Variants in LTBP1 observed in about 807,000 individuals in gnomAD.
The protein encoded by LTBP1 is latent-transforming growth factor beta-binding protein 1.
In LTBP1, 129 loss-of-function variants were observed where a neutral mutation model predicts 207.6. The ratio of observed to expected loss-of-function variants is 0.62; its 90% CI spans 0.54 to 0.72. LTBP1 has a LOEUF of 0.72. Ranked by LOEUF, LTBP1 falls within the 30% of genes least tolerant of loss-of-function variation. LTBP1 has a pLI of 0.00. For missense variants in LTBP1, 2,281 were observed against 2,217.2 expected (o/e 1.03, Z -0.58); for synonymous variants, 963 against 833.7 (o/e 1.16, Z -2.67).
chr2:33,046,281 A>G (rs1276512112), intron 3 of LTBP1, among the ~76,000 whole-genome samples: 1 of 152,020 alleles, frequency 6.6e-6, no homozygotes, highest in African/African-American at 2.4e-5. Flanking sequence ...ATTTGGAGAT[A>G]TTTTCCATCA....
At chr2:33,197,213 T>C (rs761355916) in intron 7 of LTBP1, among the ~76,000 whole-genome samples, 2 of 152,204 alleles carry the variant, frequency 1.3e-5, no homozygotes, top group Non-Finnish European at 2.9e-5. Context: ...TAGAACTATA[T>C]AGGGTGACAG....
At chr2:32,970,950 A>G (rs1272399835) in intron 2 of LTBP1, among the ~76,000 whole-genome samples, 1 of 148,030 alleles carries the variant, frequency 6.8e-6, no homozygotes, top group Non-Finnish European at 1.5e-5. Flanking sequence ...GTGTTTTTCA[A>G]TTCTTGTTGT....
At chr2:33,387,743 T>TC (rs1010784063) in intron 31 of LTBP1, among the ~76,000 whole-genome samples, 1 of 151,638 alleles carries the variant, frequency 6.6e-6, no homozygotes, top group Non-Finnish European at 1.5e-5. Context: ...GGGGTTTTTT[T>TC]TTTTTGTATG....
intron 2 of LTBP1, among the ~76,000 whole-genome samples, chr2:33,018,433 C>T (rs117431908): frequency 6.6e-6 from 1 of 152,156 alleles, no homozygotes; most frequent in East Asian, 1.9e-4. Context: ...AAACATGTTT[C>T]TAATTGAAAG....
chr2:33,379,216 T>C (rs1179983760), intron 31 of LTBP1, among the ~76,000 whole-genome samples: 1 of 145,602 alleles, frequency 6.9e-6, no homozygotes. Flanking sequence ...TTTTTTTTTT[T>C]TTTCTTTTTC....
At chr2:32,949,063 A>G (rs1341867027) in intron 2 of LTBP1, 118 bp downstream of exon 2, 3 of 953,666 alleles carry the variant, frequency 3.1e-6, no homozygotes, top group Non-Finnish European at 1.7e-6. Context: ...AGTCTGAAAT[A>G]CAATCCACCC....
chr2:33,150,885 G>A (rs148655010), intron 5 of LTBP1, among the ~76,000 whole-genome samples: 157 of 150,232 alleles, frequency 1.0e-3, no homozygotes, highest in African/African-American at 3.6e-3. Flanking sequence ...ACAGGCGTGC[G>A]CCACCATGCC....
chr2:33,181,330 A>G (rs1273042812), intron 5 of LTBP1, among the ~76,000 whole-genome samples: 2 of 152,230 alleles, frequency 1.3e-5, no homozygotes, highest in African/African-American at 2.4e-5. Context: ...CAAGGTTCCA[A>G]TTCGTGGCAC....
At chr2:32,984,292 T>G (rs1248605333) in intron 2 of LTBP1, among the ~76,000 whole-genome samples, 1 of 152,238 alleles carries the variant, frequency 6.6e-6, no homozygotes, top group Non-Finnish European at 1.5e-5. Context: ...GTCTCTCTTT[T>G]TTTCCATCTG....
chr2:33,265,596 TA>T lies in LTBP1; in HGVS notation c.2617+2210del, dbSNP rs374593577. On this transcript the variant is annotated intron_variant, in intron 15 of 33. Transcript: ENST00000404816. ...ATATTGCTAAATTTAAGATGAAGGA[TA>T]AAAAACTGAATGATATAGAGTATTA... is the stretch of plus-strand genomic sequence containing the variant. Among the ~76,000 whole-genome samples the T allele has an allele frequency of 9.2e-5, 14 of 152,278 alleles. No homozygotes were observed. In the East Asian group the frequency reaches 1.9e-3, roughly 21 times the overall value.
At chr2:33,131,698 G>A (rs1165950512) in intron 4 of LTBP1, among the ~76,000 whole-genome samples, 1 of 152,218 alleles carries the variant, frequency 6.6e-6, no homozygotes, top group Non-Finnish European at 1.5e-5. Context: ...CAGAATGCTT[G>A]TAAAACACAA....
intron 4 of LTBP1, among the ~76,000 whole-genome samples, chr2:33,119,359 A>G (rs2080968566): frequency 6.6e-6 from 1 of 152,202 alleles, no homozygotes; most frequent in Non-Finnish European, 1.5e-5. Flanking sequence ...TTATTAGAAC[A>G]GAAATGGTAG....
chr2:33,198,576 T>G (rs973089556), intron 7 of LTBP1, among the ~76,000 whole-genome samples: 15 of 152,300 alleles, frequency 9.8e-5, no homozygotes, highest in South Asian at 8.3e-4. Context: ...CCATTTCAGA[T>G]CCTGTTATTG....
chr2:33,186,991 C>G lies in LTBP1; in HGVS notation c.1337C>G (p.Ser446Cys), dbSNP rs1215783718. 2 of 1,614,190 alleles carry G rather than the reference C, an allele frequency of 1.2e-6. No individual in the cohort carries two copies. The highest frequency in any genetic ancestry group is 1.7e-6 in the Non-Finnish European group (2 of 1,180,024). Reference protein sequence around the residue: ...GASVPKLYQHSQQPGKALGTH... With the variant: ...GASVPKLYQHCQQPGKALGTH... ...AGCGTGCCTAAACTTTATCAGCATT[C>G]CCAGCAGCCAGGCAAGGCGTTGGGG... Residue 446 changes from serine to cysteine, a missense_variant, in exon 6 of 34, where the codon TCC becomes TGC. Around this residue, in one of 3 missense-constraint regions of LTBP1, gnomAD observed 1,671 missense variants for 1,634.8 expected, o/e 1.02. Coordinates refer to ENST00000404816, the MANE Select transcript of LTBP1 (RefSeq NM_206943.4).
chr2:33,300,766 C>T (rs906740083), intron 21 of LTBP1, among the ~76,000 whole-genome samples, 193 bp downstream of exon 21: 3 of 152,096 alleles, frequency 2.0e-5, no homozygotes, highest in East Asian at 1.9e-4. Flanking sequence ...ATTTGAAAAC[C>T]TATGGCATTA....
At chr2:33,175,358 C>T (rs1439849456) in intron 5 of LTBP1, among the ~76,000 whole-genome samples, 1 of 152,010 alleles carries the variant, frequency 6.6e-6, no homozygotes, top group East Asian at 1.9e-4. Flanking sequence ...TGAACAGACA[C>T]TTCTCAAAAG....
At chr2:33,201,033 T>G (rs2149084234) in intron 7 of LTBP1, among the ~76,000 whole-genome samples, 1 of 152,370 alleles carries the variant, frequency 6.6e-6, no homozygotes, top group African/African-American at 2.4e-5. Flanking sequence ...TTGGTGGGAC[T>G]GTAAACTAGT....
At chr2:32,963,756 G>A (rs1679511274) in intron 2 of LTBP1, among the ~76,000 whole-genome samples, 1 of 152,118 alleles carries the variant, frequency 6.6e-6, no homozygotes, top group South Asian at 2.1e-4. Context: ...AACAAATGCA[G>A]GTTGTGGGAC....
rs72867815 is a variant in LTBP1, at chr2:32,973,505, T to C, written c.565+24560T>C. On this transcript the variant is annotated intron_variant, in intron 2 of 33. Transcript: ENST00000404816. ...CCAGGGCACATAAGATGCCATGATA[T>C]AGGCATGCAATGCCTGTATCAAAAA... is the stretch of plus-strand genomic sequence containing the variant. Among the ~76,000 whole-genome samples the C allele has an allele frequency of 3.8e-3, 574 of 152,306 alleles. 3 individuals carry two copies. Among genetic ancestry groups the C allele is most frequent in the African/African-American group, 0.013 (555 of 41,556 alleles).
Sources: allele counts gnomAD v4.1 joint callset (sites outside exome capture counted in the v4.1 genomes callset), GRCh38; gene constraint gnomAD v4.1.1; regional missense constraint gnomAD v4.1.1; transcripts MANE v1.5; gene names NCBI Gene and HGNC (gene_info 2026-07-23, HGNC 2026-07-21).